KSR2: variants seen among roughly 807,000 people sequenced by gnomAD.
KSR2 encodes the protein kinase suppressor of ras 2.
Under a neutral mutation model 107.8 loss-of-function variants are expected in KSR2, and 25 were observed. That is an observed-to-expected ratio of 0.23 (90% CI 0.17 to 0.32). The LOEUF (loss-of-function observed/expected upper bound fraction) is 0.32, where lower values mean the gene tolerates loss of function less well. Among genes scored for constraint, KSR2 ranks in the 10% least tolerant of loss-of-function variants. KSR2 has a pLI of 1.00. For synonymous variants in KSR2, 480 were observed against 507.0 expected, an observed-to-expected ratio of 0.95 and a Z score of 0.71; for missense variants, 887 against 1,268.9, an observed-to-expected ratio of 0.70 and a Z score of 4.57.
At chr12:117,661,632 C>A (rs1884436166) in intron 5 of KSR2, among the ~76,000 whole-genome samples, 1 of 152,196 alleles carries the variant, frequency 6.6e-6, no homozygotes, top group African/African-American at 2.4e-5. Context: ...GCCTGCAGAA[C>A]TCCCTGGAGA....
intron 5 of KSR2, among the ~76,000 whole-genome samples, chr12:117,643,606 T>A (rs979852641): frequency 1.3e-5 from 2 of 152,232 alleles, no homozygotes; most frequent in African/African-American, 4.8e-5. Flanking sequence ...AAACACTCAC[T>A]ACATTGCCAT....
chr12:117,621,624 A>G (rs1053448700), intron 5 of KSR2, among the ~76,000 whole-genome samples: 51 of 152,188 alleles, frequency 3.4e-4, no homozygotes, highest in Non-Finnish European at 5.9e-5. Flanking sequence ...CATGTCATCA[A>G]CACAGACCTC....
intron 3 of KSR2, among the ~76,000 whole-genome samples, chr12:117,820,878 G>C (rs924373271): frequency 6.6e-6 from 1 of 152,172 alleles, no homozygotes; most frequent in African/African-American, 2.4e-5. Flanking sequence ...GAACTTTCAA[G>C]TTCTCAGGCA....
At chr12:117,944,790 C>T (rs181722411) in intron 1 of KSR2, among the ~76,000 whole-genome samples, 62 of 150,700 alleles carry the variant, frequency 4.1e-4, no homozygotes, top group Admixed American at 1.1e-3. Context: ...CCTGGGAGGC[C>T]GAGGATGCAG....
chr12:117,790,621 TGA>T (rs575831852), intron 3 of KSR2, among the ~76,000 whole-genome samples: 108 of 152,338 alleles, frequency 7.1e-4, no homozygotes, highest in Non-Finnish European at 1.1e-3. Flanking sequence ...GAACAAACTG[TGA>T]GAGAAGTATG....
chr12:117,714,987 C>T (rs984808409), intron 4 of KSR2, among the ~76,000 whole-genome samples: 7 of 152,218 alleles, frequency 4.6e-5, no homozygotes, highest in Non-Finnish European at 7.4e-5. Context: ...AGAAATTCCA[C>T]CCAATGCTCT....
chr12:117,637,684 T>TG (rs201012223), intron 5 of KSR2, among the ~76,000 whole-genome samples: 1,802 of 133,030 alleles, frequency 0.014, 96 homozygotes, highest in African/African-American at 0.05. Context: ...GGTTTTTTTT[T>TG]TTTTTTTTTT....
intron 3 of KSR2, among the ~76,000 whole-genome samples, chr12:117,848,840 G>GACAACA (rs1566048381): frequency 4.8e-3 from 478 of 99,556 alleles, no homozygotes; most frequent in Non-Finnish European, 8.1e-3. Context: ...TGGTAGTGGT[G>GACAACA]GTGATGGTGA....
intron 3 of KSR2, among the ~76,000 whole-genome samples, chr12:117,785,637 T>C (rs547875848): frequency 6.6e-6 from 1 of 152,144 alleles, no homozygotes; most frequent in South Asian, 2.1e-4. Flanking sequence ...AAAAATACAC[T>C]ATCCAAAATT....
chr12:117,861,922 GA>G (rs1893310232), intron 1 of KSR2, among the ~76,000 whole-genome samples: 1 of 152,092 alleles, frequency 6.6e-6, no homozygotes, highest in South Asian at 2.1e-4. Context: ...ATTAACCAAA[GA>G]AAGGCAATAC....
At chr12:117,910,970 A>G (rs1324438743) in intron 1 of KSR2, among the ~76,000 whole-genome samples, 1 of 152,084 alleles carries the variant, frequency 6.6e-6, no homozygotes, top group African/African-American at 2.4e-5. Context: ...AGGTCATAGT[A>G]CTCACTACTC....
chr12:117,622,283 T>C (rs976691958), intron 5 of KSR2, among the ~76,000 whole-genome samples: 2 of 152,174 alleles, frequency 1.3e-5, no homozygotes, highest in Non-Finnish European at 2.9e-5. Context: ...AATCATCATT[T>C]CCTGCATCTT....
At chr12:117,499,682 C>T (rs1280051504) in intron 14 of KSR2, among the ~76,000 whole-genome samples, 1 of 152,222 alleles carries the variant, frequency 6.6e-6, no homozygotes, top group Non-Finnish European at 1.5e-5. Context: ...ACAACAAATG[C>T]TTGGTGATTA....
chr12:117,753,947 CGTGTGTGTGTGTGT>C (rs34174404), intron 4 of KSR2, among the ~76,000 whole-genome samples: 1,356 of 129,024 alleles, frequency 0.011, 8 homozygotes, highest in African/African-American at 0.024. Flanking sequence ...AAGTATAGAG[CGTGTGTGTGTGTGT>C]GTGTGTGTGT....
At chr12:117,902,450 C>A (rs904187991) in intron 1 of KSR2, among the ~76,000 whole-genome samples, 1 of 145,096 alleles carries the variant, frequency 6.9e-6, no homozygotes, top group Non-Finnish European at 1.5e-5. Context: ...GAGCTGAGAC[C>A]ATGCCACTGC....
chr12:117,476,834 T>G (rs1429101095), intron 16 of KSR2, among the ~76,000 whole-genome samples: 1 of 152,182 alleles, frequency 6.6e-6, no homozygotes, highest in Non-Finnish European at 1.5e-5. Context: ...GCACCCACCT[T>G]CTTGCCCATC....
chr12:117,578,985 C>T, intron 7 of KSR2, 134 bp downstream of exon 7: 1 of 703,154 alleles, frequency 1.4e-6, no homozygotes, highest in Non-Finnish European at 2.5e-6. Flanking sequence ...CATTTCCAAT[C>T]TATTTCTGAA....
intron 1 of KSR2, among the ~76,000 whole-genome samples, chr12:117,899,797 G>T (rs1894628442): frequency 2.0e-5 from 3 of 152,164 alleles, no homozygotes; most frequent in Non-Finnish European, 4.4e-5. Context: ...TGGAGAGAAA[G>T]ATTTTCTTGC....
Position 117,455,022 on chromosome 12 carries a change from GAGAC to G in KSR2, c.*12173_*12176del, listed in dbSNP as rs200446241. The G allele has an allele frequency of 0.021, 2,620 of 126,432 alleles. 87 individuals are homozygous for G. The highest frequency in any genetic ancestry group is 0.035 in the African/African-American group (1,174 of 33,762). The allele number at this position is 126,432 out of a possible 1,614,324, so 7.8% of individuals were successfully genotyped here. A position where few individuals can be genotyped will look rare whatever the true frequency, so the allele number is the denominator to read the frequency against. The stretch of plus-strand genomic sequence containing the variant: ...GCAGGCAGAGACAGAGACAGACACA[GAGAC>G]AGACAGACAGAGAGAGAGAGAGAGA... On this transcript the variant is annotated 3_prime_UTR_variant, in exon 20 of 20. Transcript: ENST00000339824.
Sources: gnomAD v4.1 joint callset for allele counts (sites outside exome capture counted in the v4.1 genomes callset) on GRCh38, gnomAD v4.1.1 for gene constraint, MANE v1.5 for transcripts, NCBI Gene and HGNC (gene_info 2026-07-23, HGNC 2026-07-21) for gene names.